The following AOPEP variants were observed in gnomAD, a reference collection of about 807,000 sequenced individuals.
AOPEP encodes aminopeptidase O (putative).
In AOPEP, 77 loss-of-function variants were observed where a neutral mutation model predicts 98.1. The observed-to-expected ratio is 0.78, with a 90% CI of 0.65 to 0.95. The LOEUF (loss-of-function observed/expected upper bound fraction) is 0.95, where lower values mean the gene tolerates loss of function less well. Among genes scored for constraint, AOPEP ranks in the 40% least tolerant of loss-of-function variants. The pLI, the probability that AOPEP is intolerant of heterozygous loss-of-function variation, is 0.00. For missense variants in AOPEP, 1,024 were observed against 1,024.7 expected (o/e 1.00, Z 0.01); for synonymous variants, 346 against 365.3 (o/e 0.95, Z 0.60).
At chr9:94,747,081 C>T (rs1834675802) in intron 1 of AOPEP, among the ~76,000 whole-genome samples, 1 of 148,802 alleles carries the variant, frequency 6.7e-6, no homozygotes, top group African/African-American at 2.5e-5. Context: ...ACAATAGAGT[C>T]TTTCATTACA....
chr9:94,784,637 A>G (rs1443318974), intron 3 of AOPEP, among the ~76,000 whole-genome samples: 1 of 152,154 alleles, frequency 6.6e-6, no homozygotes, highest in Non-Finnish European at 1.5e-5. Context: ...TATTTTGGAG[A>G]TGGAGTTTCA....
intron 5 of AOPEP, among the ~76,000 whole-genome samples, chr9:94,816,639 G>A (rs1398927293): frequency 2.6e-5 from 4 of 152,114 alleles, no homozygotes; most frequent in Admixed American, 6.5e-5. Flanking sequence ...GTGGGCTAAC[G>A]GGAGACTAAG....
intron 13 of AOPEP, among the ~76,000 whole-genome samples, chr9:95,018,101 A>G (rs1012527683): frequency 6.6e-6 from 1 of 152,228 alleles, no homozygotes; most frequent in Non-Finnish European, 1.5e-5. Flanking sequence ...ACACTGGTAT[A>G]ACTGTCTTTG....
At chr9:94,751,715 A>G (rs1344826113) in intron 1 of AOPEP, among the ~76,000 whole-genome samples, 1 of 151,748 alleles carries the variant, frequency 6.6e-6, no homozygotes, top group East Asian at 1.9e-4. Flanking sequence ...CTAATGTTAT[A>G]CAATGAAGAA....
chr9:94,970,439 C>A (rs923966868), intron 10 of AOPEP, among the ~76,000 whole-genome samples: 2 of 152,114 alleles, frequency 1.3e-5, no homozygotes, highest in Non-Finnish European at 2.9e-5. Flanking sequence ...ACTATACACA[C>A]ACATTAAGCA....
chr9:94,846,570 A>G (rs1349094744), intron 5 of AOPEP, among the ~76,000 whole-genome samples: 1 of 152,350 alleles, frequency 6.6e-6, no homozygotes, highest in South Asian at 2.1e-4. Context: ...GGAACAGTCT[A>G]TCAGAGCACA....
At chr9:95,066,422 G>T (rs1280971739) in intron 14 of AOPEP, among the ~76,000 whole-genome samples, 1 of 152,134 alleles carries the variant, frequency 6.6e-6, no homozygotes, top group African/African-American at 2.4e-5. Flanking sequence ...TGTTTACTGT[G>T]AATTTATAGC....
chr9:94,984,736 T>G (rs56855628), intron 11 of AOPEP, among the ~76,000 whole-genome samples: 3 of 152,170 alleles, frequency 2.0e-5, no homozygotes, highest in African/African-American at 7.2e-5. Context: ...ATATTCCTGT[T>G]GAATAGAGCT....
the AOPEP span, among the ~76,000 whole-genome samples, chr9:95,146,440 A>G: frequency 7.8e-6 from 1 of 127,690 alleles, no homozygotes; most frequent in South Asian, 2.8e-4. Flanking sequence ...GTGAGCCAAG[A>G]CTGCACCACT....
intron 5 of AOPEP, among the ~76,000 whole-genome samples, chr9:94,837,877 T>C (rs962132217): frequency 6.6e-6 from 1 of 152,216 alleles, no homozygotes; most frequent in Non-Finnish European, 1.5e-5. Context: ...CTCTCACCAC[T>C]TCTATTCAGC....
At chr9:94,746,563 T>A (rs1834526125) in intron 1 of AOPEP, among the ~76,000 whole-genome samples, 1 of 152,232 alleles carries the variant, frequency 6.6e-6, no homozygotes, top group African/African-American at 2.4e-5. Context: ...AACTGAAACA[T>A]GCTATACTTT....
At chr9:94,758,191 A>G (rs2132412950) in intron 1 of AOPEP, among the ~76,000 whole-genome samples, 1 of 152,352 alleles carries the variant, frequency 6.6e-6, no homozygotes, top group East Asian at 1.9e-4. Flanking sequence ...GGCAGGAGCC[A>G]GGAGCGCTCC....
chr9:94,818,838 C>CA (rs1170190170), intron 5 of AOPEP, among the ~76,000 whole-genome samples: 4 of 151,958 alleles, frequency 2.6e-5, no homozygotes, highest in Non-Finnish European at 4.4e-5. Flanking sequence ...ACTAAAAATA[C>CA]AAAAAATTAG....
chr9:94,751,517 G>A (rs140452902), intron 1 of AOPEP, among the ~76,000 whole-genome samples: 225 of 152,278 alleles, frequency 1.5e-3, no homozygotes, highest in African/African-American at 4.7e-3. Flanking sequence ...AGGACATGAT[G>A]GGGTCCAGAG....
chr9:95,134,112 C>T, the AOPEP span, among the ~76,000 whole-genome samples: 4 of 152,134 alleles, frequency 2.6e-5, no homozygotes, highest in Non-Finnish European at 4.4e-5. Context: ...GTGAGAGCAG[C>T]GTGGCTGTCA....
chr9:94,870,586 A>C (rs2046232955), intron 5 of AOPEP, among the ~76,000 whole-genome samples: 1 of 152,222 alleles, frequency 6.6e-6, no homozygotes, highest in African/African-American at 2.4e-5. Context: ...GCAGGACTGC[A>C]CATATTCCAG....
At chr9:94,977,299 G>C (rs2059910167) in intron 10 of AOPEP, among the ~76,000 whole-genome samples, 1 of 152,106 alleles carries the variant, frequency 6.6e-6, no homozygotes, top group African/African-American at 2.4e-5. Flanking sequence ...TGGTGGAGGG[G>C]TCAGGTTCCT....
chr9:94,931,913 C>T, intron 7 of AOPEP: 3 of 1,159,214 alleles, frequency 2.6e-6, no homozygotes, highest in Non-Finnish European at 3.6e-6. Context: ...GGCAGGTTAA[C>T]AGTCTCCACT....
intron 1 of AOPEP, among the ~76,000 whole-genome samples, chr9:94,752,397 T>C (rs1352617336): frequency 1.3e-5 from 2 of 151,882 alleles, no homozygotes; most frequent in Non-Finnish European, 2.9e-5. Context: ...CCCACATGCA[T>C]GTACCAGGGA....
Sources: allele counts gnomAD v4.1 joint callset (sites outside exome capture counted in the v4.1 genomes callset), GRCh38; gene constraint gnomAD v4.1.1; transcripts MANE v1.5; gene names NCBI Gene and HGNC (gene_info 2026-07-23, HGNC 2026-07-21).